Variants in SAMD11 observed in about 807,000 individuals in gnomAD.
SAMD11 encodes the protein sterile alpha motif domain containing 11, also known as sterile alpha motif domain-containing protein 11.
SAMD11 carries 77 observed loss-of-function variants against 64.4 expected under a neutral mutation model. The observed-to-expected ratio is 1.20, with a 90% CI of 0.99 to 1.44. SAMD11 has a LOEUF of 1.44. Among genes scored for constraint, SAMD11 ranks in the 40% most tolerant of loss-of-function variants. The pLI, the probability that SAMD11 is intolerant of heterozygous loss-of-function variation, is 0.00. For synonymous variants in SAMD11, 658 were observed against 421.9 expected (o/e 1.56, Z -6.86); for missense variants, 1,402 against 943.3 (o/e 1.49, Z -6.37).
chr1:941,655 G>A (rs1444580160), intron 8 of SAMD11, among the ~76,000 whole-genome samples: 5 of 152,158 alleles, frequency 3.3e-5, no homozygotes, highest in Non-Finnish European at 5.9e-5. Flanking sequence ...AGACGCCGGC[G>A]CCGGATCTGT....
At chr1:927,323 C>T (rs941209555) in intron 2 of SAMD11, among the ~76,000 whole-genome samples, 4 of 152,144 alleles carry the variant, frequency 2.6e-5, no homozygotes, top group Non-Finnish European at 5.9e-5. Context: ...TGGATTTGAG[C>T]GGCCCCCTTG....
Position 941,553 on chromosome 1 carries a change from C to T in SAMD11, c.1358+247C>T, listed in dbSNP as rs535387094. 2.6e-5 allele frequency among the ~76,000 whole-genome samples: 4 copies of T among 152,058 alleles called. No individual in the cohort carries two copies. The South Asian group carries it at 8.3e-4, about 32-fold the overall frequency. On this transcript the variant is annotated intron_variant, in intron 8 of 13. Transcript: ENST00000616016. ...GGAGAAGCCAGAGAAGGGGAGAGCT[C>T]CAAGTCTGGAACCCCGGGGTCAGTC...
chr1:932,841 G>T (rs1313165151), intron 4 of SAMD11, among the ~76,000 whole-genome samples: 1 of 152,250 alleles, frequency 6.6e-6, no homozygotes, highest in Non-Finnish European at 1.5e-5. Context: ...GGAACCCGGG[G>T]TGGCAGATGC....
chr1:930,697 G>A lies in SAMD11; in HGVS notation c.792-342G>A, dbSNP rs368277656. Among the ~76,000 whole-genome samples, 7 of 152,378 alleles carry A rather than the reference G, an allele frequency of 4.6e-5. No individual in the cohort carries two copies. The South Asian group carries it at 1.4e-3, about 32-fold the overall frequency. ...GCTCCATTCAGGCTCGTGACTGGCTGTGCAGAAGCAGCCTCGGCCCCCACC... is the reference window on the plus strand; with the variant it reads ...GCTCCATTCAGGCTCGTGACTGGCTATGCAGAAGCAGCCTCGGCCCCCACC... On this transcript the variant is annotated intron_variant, in intron 3 of 13. Transcript: ENST00000616016.
Position 930,253 on chromosome 1 carries a change from C to A in SAMD11, c.708C>A (p.Asp236Glu), listed in dbSNP as rs1223416232. The A allele has an allele frequency of 1.2e-5, 19 of 1,606,066 alleles. No homozygotes were observed. The highest frequency in any genetic ancestry group is 1.5e-5 in the Non-Finnish European group (18 of 1,176,980). ...RTPSFSASDG[D>E]SDGSGPTCGR... ...CCAGCTTCTCTGCCAGCGATGGTGA[C>A]AGCGACGGGAGTGGCCCCACCTGTG... The change falls in exon 3 of 14, where the codon GAC (aspartate) becomes GAA (glutamate). Residue 236 changes from aspartate (D) to glutamate (E), a missense_variant. Transcript: ENST00000616016.
In SAMD11 at chr1:935,913, G is replaced by T. The variant is rs778930052; in HGVS notation, c.967+17G>T. ...GACCCGCCGGTGAGGAGCACAGGGGGCCTGAGGGCGGGGTCGGGGCTGTGG... is the reference window on the plus strand; with the variant it reads ...GACCCGCCGGTGAGGAGCACAGGGGTCCTGAGGGCGGGGTCGGGGCTGTGG... On this transcript the variant is annotated intron_variant, in intron 5 of 13. Coordinates refer to ENST00000616016, the MANE Select transcript of SAMD11 (RefSeq NM_001385641.1). 6 of 1,611,380 alleles carry T rather than the reference G, an allele frequency of 3.7e-6. No individual in the cohort carries two copies. The highest frequency in any genetic ancestry group is 1.7e-4 in the Middle Eastern group (1 of 5,930).
intron 5 of SAMD11, among the ~76,000 whole-genome samples, chr1:936,444 T>G (rs7552704): frequency 4.6e-4 from 57 of 125,002 alleles, no homozygotes; most frequent in Non-Finnish European, 6.7e-4. Flanking sequence ...GGTCCCGCCT[T>G]CTAGGGCTCC....
In SAMD11 at chr1:944,566, TA is replaced by T. The variant is rs555566246; in HGVS notation, c.*416del. The T allele has an allele frequency of 3.9e-4, 251 of 639,680 alleles. 1 individual carries two copies. The African/African-American group carries it at 4.2e-3, about 11-fold the overall frequency. 39.6% of individuals were successfully genotyped at this position (639,680 alleles called of 1,614,324 possible). A position where few individuals can be genotyped will look rare whatever the true frequency, so the allele number is the denominator to read the frequency against. Reference sequence around the variant, plus strand: ...GTCTTTCATGCTGAAAAATAAATAATAAAGCCTGTCCCGTGTCTACTGCCTC... The same window carrying T: ...GTCTTTCATGCTGAAAAATAAATAATAAGCCTGTCCCGTGTCTACTGCCTC... On this transcript the variant is annotated 3_prime_UTR_variant, in exon 14 of 14. Coordinates refer to ENST00000616016, the MANE Select transcript of SAMD11 (RefSeq NM_001385641.1).
chr1:935,800 T>C lies in SAMD11; in HGVS notation c.871T>C (p.Ser291Pro), dbSNP rs761306020. The change falls in exon 5 of 14, where the codon TCC becomes CCC. Residue 291 changes from serine (S) to proline (P), a missense_variant. Coordinates refer to ENST00000616016, the MANE Select transcript of SAMD11 (RefSeq NM_001385641.1). ...GGACGGCAACCTTCCCACCCTCATATCCAGCGTCCACCGCAGCCGCCACCT... is the reference window on the plus strand; with the variant it reads ...GGACGGCAACCTTCCCACCCTCATACCCAGCGTCCACCGCAGCCGCCACCT... ...SQDGNLPTLI[S>P]SVHRSRHLVM... is the part of the protein sequence containing the mutation. The C allele has an allele frequency of 6.2e-7, 1 of 1,613,374 alleles. No individual in the cohort carries two copies.
Position 944,134 on chromosome 1 carries a change from C to T in SAMD11, c.2516C>T (p.Pro839Leu). ...TLALLPGAPD[P>L]SQPLC ...GCTCTACTTCCAGGGGCCCCCGACC[C>T]TTCCCAGCCTCTGTGTTGAGGTTGC... The change falls in exon 14 of 14, where the codon CCT becomes CTT. Residue 839 changes from proline to leucine, a missense_variant. Coordinates refer to ENST00000616016, the MANE Select transcript of SAMD11 (RefSeq NM_001385641.1). 3.2e-6 allele frequency: 5 copies of T among 1,577,336 alleles called. No homozygotes were observed. The highest frequency in any genetic ancestry group is 2.3e-5 in the East Asian group (1 of 44,420).
At position 944,092 on chromosome 1, in the gene SAMD11, A is replaced by C. The variant is rs1275342942; in HGVS notation, c.2474A>C (p.Gln825Pro). 6.2e-7 allele frequency: 1 copy of C among 1,612,134 alleles called. No homozygotes were observed. Among genetic ancestry groups the C allele is most frequent in the South Asian group, 1.1e-5 (1 of 91,050 alleles). The change falls in exon 14 of 14, where the codon CAG becomes CCG. Residue 825 changes from glutamine (Q) to proline (P), a missense_variant. By Grantham distance (76) the Gln-to-Pro change is moderately conservative (BLOSUM62 -1). Transcript: ENST00000616016. ...CTTGCCGGTCAAACTTCACCCAAGC[A>C]GGAGAATGGGACCTTGGCTCTACTT... ...HALAGQTSPK[Q>P]ENGTLALLPG...
Position 942,670 on chromosome 1 carries a change from G to A in SAMD11, c.1665G>A (p.Gln555=). 1.4e-6 allele frequency: 2 copies of A among 1,430,510 alleles called. No individual in the cohort carries two copies. The highest frequency in any genetic ancestry group is 2.8e-5 in the South Asian group (2 of 70,436). 88.6% of individuals were successfully genotyped at this position (1,430,510 alleles called of 1,614,324 possible). The change falls in exon 11 of 14, where the codon CAG becomes CAA. Residue 555 remains glutamine, a synonymous_variant. Transcript: ENST00000616016. ...LRPNDGAEEL[Q]RRGALLVLNH... is the part of the protein sequence containing the mutation. ...CCAACGACGGCGCCGAGGAGCTGCA[G>A]CGGCGCGGGGCCCTGCTGGTGCTGA...
rs201075481 is a variant in SAMD11 at position 943,043 on chromosome 1, C to T, written c.2038C>T (p.Pro680Ser). Residue 680 changes from proline (P) to serine (S), a missense_variant, in exon 11 of 14, where the codon CCC becomes TCC. Transcript: ENST00000616016. ...CCTGGGCTTCCCTTATGCCGTCAGC[C>T]CCTACTTCCACACAGGTGGGCACCC... ...LPLGFPYAVS[P>S]YFHTGAVGGL... 4.2e-5 allele frequency: 65 copies of T among 1,532,166 alleles called. No individual in the cohort carries two copies. In the African/African-American group the frequency reaches 5.1e-4, roughly 12 times the overall value. The allele number at this position is 1,532,166 out of a possible 1,614,324, so 94.9% of individuals were successfully genotyped here. A position where few individuals can be genotyped will look rare whatever the true frequency, so the allele number is the denominator to read the frequency against.
intron 12 of SAMD11, 109 bp downstream of exon 12, chr1:943,486 C>T (rs932347424): frequency 8.3e-6 from 9 of 1,085,106 alleles, no homozygotes; most frequent in South Asian, 6.2e-5. Context: ...TCTCCCTCCC[C>T]AAAAGCAGTG....
At chr1:931,216 G>C in intron 4 of SAMD11, 127 bp downstream of exon 4, 1 of 903,220 alleles carries the variant, frequency 1.1e-6, no homozygotes, top group Non-Finnish European at 1.7e-6. Flanking sequence ...TGCTGGCTGA[G>C]TGTCTGCCAG....
chr1:941,957 G>A (rs1427539232), intron 8 of SAMD11, 179 bp from the exon 9 acceptor site: 2 of 358,612 alleles, frequency 5.6e-6, no homozygotes, highest in African/African-American at 2.1e-5. Context: ...CCGCGCCGCC[G>A]CCGAGATTAA....
In SAMD11 at chr1:930,198, C is replaced by T; in HGVS notation, c.653C>T (p.Ala218Val). The change falls in exon 3 of 14, where the codon GCC becomes GTC. Residue 218 changes from alanine (A) to valine (V), a missense_variant. By Grantham distance (64) the Ala-to-Val change is moderately conservative. Transcript: ENST00000616016. ...LADKRTVALP[A>V]ARNLKKERTP... The stretch of plus-strand genomic sequence containing the variant: ...GACAAGAGGACAGTCGCCCTGCCTG[C>T]CGCCCGGAACCTGAAGAAGGAGCGA... 6.4e-7 allele frequency: 1 copy of T among 1,565,622 alleles called. No homozygotes were observed. Among genetic ancestry groups the T allele is most frequent in the Non-Finnish European group, 8.7e-7 (1 of 1,155,206 alleles).
rs1640799614 is a variant in SAMD11 at position 924,806 on chromosome 1, G to T, written c.375G>T (p.Ala125=). The part of the protein sequence containing the change: ...CIEVECGANR[A]LLYVRKLCQG... Reference sequence around the variant, plus strand: ...AGGTGGAGTGCGGCGCCAACCGCGCGCTGCTCTACGTGCGCAAACTCTGCC... The same window carrying T: ...AGGTGGAGTGCGGCGCCAACCGCGCTCTGCTCTACGTGCGCAAACTCTGCC... The change falls in exon 1 of 14, where the codon GCG becomes GCT. Residue 125 remains alanine, a synonymous_variant. Transcript: ENST00000616016. 1 of 152,208 alleles carries T rather than the reference G, an allele frequency of 6.6e-6. No individual in the cohort carries two copies. Among genetic ancestry groups the T allele is most frequent in the Non-Finnish European group, 1.5e-5 (1 of 68,032 alleles). The allele number at this position is 152,208 out of a possible 1,614,324, so 9.4% of individuals were successfully genotyped here.
chr1:943,024 C>T lies in SAMD11; in HGVS notation c.2019C>T (p.Gly673=), dbSNP rs756658055. The change falls in exon 11 of 14, where the codon GGC becomes GGT. Residue 673 remains glycine, a synonymous_variant. Coordinates refer to ENST00000616016, the MANE Select transcript of SAMD11 (RefSeq NM_001385641.1). ...GLFPGSTLPL[G]FPYAVSPYFH... ...TCCCAGGGTCCACACTGCCCCTGGG[C>T]TTCCCTTATGCCGTCAGCCCCTACT... 4 of 1,533,662 alleles carry T rather than the reference C, an allele frequency of 2.6e-6. No homozygotes were observed. The highest frequency in any genetic ancestry group is 1.7e-6 in the Non-Finnish European group (2 of 1,143,132).
Sources: allele counts gnomAD v4.1 joint callset (sites outside exome capture counted in the v4.1 genomes callset), GRCh38; gene constraint gnomAD v4.1.1; transcripts MANE v1.5; gene names NCBI Gene and HGNC (gene_info 2026-07-23, HGNC 2026-07-21).